The following SYT14 variants were observed in gnomAD, a reference collection of about 807,000 sequenced individuals.
SYT14 encodes synaptotagmin-14.
Under a neutral mutation model 74.2 loss-of-function variants are expected in SYT14, and 32 were observed. The observed-to-expected ratio is 0.43, with a 90% CI of 0.33 to 0.58. The LOEUF is 0.58. SYT14 is among the 20% of genes least tolerant of loss of function. SYT14 has a pLI of 0.05. For synonymous variants in SYT14, 298 were observed against 337.7 expected, an observed-to-expected ratio of 0.88 and a Z score of 1.29; for missense variants, 791 against 981.8, an observed-to-expected ratio of 0.81 and a Z score of 2.60.
At chr1:209,977,237 G>A (rs888005550) in intron 2 of SYT14, among the ~76,000 whole-genome samples, 16 of 152,164 alleles carry the variant, frequency 1.1e-4, no homozygotes, top group Non-Finnish European at 1.3e-4. Context: ...GTGTGAATTT[G>A]ATCCTGTCAT....
At chr1:210,045,192 T>G (rs1012906116) in intron 5 of SYT14, among the ~76,000 whole-genome samples, 4 of 152,212 alleles carry the variant, frequency 2.6e-5, no homozygotes, top group Admixed American at 1.3e-4. Context: ...AATGTAGAAA[T>G]TAATTCATCA....
intron 5 of SYT14, among the ~76,000 whole-genome samples, chr1:210,083,176 G>C (rs2102486911): frequency 6.6e-6 from 1 of 152,084 alleles, no homozygotes; most frequent in East Asian, 1.9e-4. Context: ...ATTTTTAGTA[G>C]AGATAGGGCC....
At chr1:210,054,928 G>A (rs2743890) in intron 5 of SYT14, among the ~76,000 whole-genome samples, 179 of 152,224 alleles carry the variant, frequency 1.2e-3, no homozygotes, top group Admixed American at 2.6e-3. Context: ...TCCTTAATTG[G>A]ATTCTTGGGT....
intron 5 of SYT14, among the ~76,000 whole-genome samples, chr1:210,069,750 G>A (rs2081360012): frequency 6.6e-6 from 1 of 151,100 alleles, no homozygotes; most frequent in African/African-American, 2.4e-5. Flanking sequence ...ATTTGAACGT[G>A]TTTTTGCTAT....
chr1:209,976,118 C>T (rs548371978), intron 2 of SYT14, among the ~76,000 whole-genome samples: 14 of 152,014 alleles, frequency 9.2e-5, no homozygotes, highest in African/African-American at 2.7e-4. Flanking sequence ...GTCTTGCTAG[C>T]GGTTTATCAA....
chr1:210,073,803 A>G (rs2081438903), intron 5 of SYT14, among the ~76,000 whole-genome samples: 1 of 152,116 alleles, frequency 6.6e-6, no homozygotes, highest in Non-Finnish European at 1.5e-5. Context: ...TTCTGTCTCT[A>G]TGTATATACA....
chr1:210,042,688 C>G (rs970969943), intron 5 of SYT14, among the ~76,000 whole-genome samples: 4 of 151,954 alleles, frequency 2.6e-5, no homozygotes, highest in Non-Finnish European at 5.9e-5. Context: ...GGCGTGAAGG[C>G]CTCTGTTCTG....
chr1:210,021,374 A>G, intron 5 of SYT14, 120 bp downstream of exon 4: 2 of 952,970 alleles, frequency 2.1e-6, no homozygotes, highest in Non-Finnish European at 3.2e-6. Context: ...GTACAGTCAC[A>G]TTTCTGGGAA....
At chr1:210,018,840 A>T (rs2080241353) in intron 4 of SYT14, among the ~76,000 whole-genome samples, 1 of 152,146 alleles carries the variant, frequency 6.6e-6, no homozygotes, top group South Asian at 2.1e-4. Flanking sequence ...TTTATAAGGT[A>T]TAGAAAAAGG....
intron 6 of SYT14, among the ~76,000 whole-genome samples, chr1:210,098,351 G>C (rs961302687): frequency 2.6e-5 from 4 of 152,104 alleles, no homozygotes; most frequent in African/African-American, 9.7e-5. Flanking sequence ...AAAGAACACA[G>C]AAACTTAATT....
chr1:210,018,218 C>T (rs1301077234), intron 4 of SYT14, among the ~76,000 whole-genome samples: 1 of 152,228 alleles, frequency 6.6e-6, no homozygotes, highest in Non-Finnish European at 1.5e-5. Context: ...ACTGCCATCT[C>T]TGCCTCCCGG....
At chr1:209,983,184 A>T (rs904858598) in intron 2 of SYT14, among the ~76,000 whole-genome samples, 1 of 152,032 alleles carries the variant, frequency 6.6e-6, no homozygotes, top group Non-Finnish European at 1.5e-5. Context: ...TGCAGAGCAG[A>T]AGTTTTAAAT....
At chr1:210,041,041 G>A (rs919645407) in intron 5 of SYT14, among the ~76,000 whole-genome samples, 1 of 152,154 alleles carries the variant, frequency 6.6e-6, no homozygotes, top group African/African-American at 2.4e-5. Flanking sequence ...AGTAAAGGCT[G>A]CAGTTACCAT....
intron 2 of SYT14, 105 bp downstream of exon 2, chr1:209,952,861 AT>A: frequency 8.4e-7 from 1 of 1,194,820 alleles, no homozygotes; most frequent in East Asian, 2.4e-5. Flanking sequence ...TGAAGTGTAA[AT>A]TTTAGTAAAT....
intron 5 of SYT14, among the ~76,000 whole-genome samples, chr1:210,057,372 CA>C (rs2081119502): frequency 6.6e-6 from 1 of 152,148 alleles, no homozygotes; most frequent in African/African-American, 2.4e-5. Flanking sequence ...ACCTATTTAG[CA>C]CTGCATTTCA....
chr1:210,125,247 T>G (rs1340198790), intron 7 of SYT14, among the ~76,000 whole-genome samples: 2 of 141,202 alleles, frequency 1.4e-5, no homozygotes, highest in Admixed American at 1.4e-4. Flanking sequence ...TCCCGGAGTC[T>G]GTTGTTTCCA....
chr1:210,077,058 A>G (rs750755107), intron 5 of SYT14, among the ~76,000 whole-genome samples: 3 of 152,196 alleles, frequency 2.0e-5, no homozygotes, highest in Admixed American at 6.5e-5. Flanking sequence ...ACCATAAGGA[A>G]ATACCTGAGA....
intron 5 of SYT14, among the ~76,000 whole-genome samples, chr1:210,060,362 A>G (rs951364841): frequency 6.7e-6 from 1 of 149,834 alleles, no homozygotes; most frequent in African/African-American, 2.5e-5. Flanking sequence ...TATAATTGCC[A>G]GCATAATATG....
intron 5 of SYT14, among the ~76,000 whole-genome samples, chr1:210,026,806 A>T (rs962649334): frequency 2.1e-5 from 3 of 144,536 alleles, no homozygotes; most frequent in Non-Finnish European, 3.0e-5. Context: ...TAGATTGTTT[A>T]TATTTCCTTT....
Sources: allele counts gnomAD v4.1 joint callset (sites outside exome capture counted in the v4.1 genomes callset), GRCh38; gene constraint gnomAD v4.1.1; transcripts MANE v1.5; gene names NCBI Gene and HGNC (gene_info 2026-07-23, HGNC 2026-07-21).